Variants in BNC2 observed in about 807,000 individuals in gnomAD.
The protein encoded by BNC2 is basonuclin zinc finger protein 2.
Under a neutral mutation model 76.3 loss-of-function variants are expected in BNC2, and 20 were observed. The ratio of observed to expected loss-of-function variants is 0.26; its 90% confidence interval spans 0.18 to 0.38. BNC2 has a LOEUF of 0.38. Among genes scored for constraint, BNC2 ranks in the 10% least tolerant of loss-of-function variants. BNC2 has a pLI of 1.00. For missense variants in BNC2, 1,382 were observed against 1,399.8 expected, an observed-to-expected ratio of 0.99 and a Z score of 0.20; for synonymous variants, 582 against 514.8, an observed-to-expected ratio of 1.13 and a Z score of -1.77.
chr9:16,796,275 C>T (rs1817644931), intron 1 of BNC2, among the ~76,000 whole-genome samples: 1 of 152,138 alleles, frequency 6.6e-6, no homozygotes, highest in South Asian at 2.1e-4. Flanking sequence ...TAAGTATAAT[C>T]CCATATAATT....
intron 2 of BNC2, among the ~76,000 whole-genome samples, chr9:16,736,372 T>TA (rs1278545081): frequency 1.3e-5 from 2 of 151,726 alleles, no homozygotes; most frequent in African/African-American, 4.8e-5. Context: ...TTTACAAACC[T>TA]AACAAATAAA....
chr9:16,594,146 G>A (rs1820004767), intron 3 of BNC2, among the ~76,000 whole-genome samples: 1 of 152,070 alleles, frequency 6.6e-6, no homozygotes, highest in Non-Finnish European at 1.5e-5. Context: ...ACTTTACAAA[G>A]AAACTATTCC....
chr9:16,806,795 C>A (rs1563951900), intron 1 of BNC2, among the ~76,000 whole-genome samples: 1 of 152,108 alleles, frequency 6.6e-6, no homozygotes, highest in Non-Finnish European at 1.5e-5. Flanking sequence ...AGACTGAAAA[C>A]CTGGTTTGGC....
chr9:16,741,132 T>G (rs533778683), intron 1 of BNC2, among the ~76,000 whole-genome samples: 17 of 152,050 alleles, frequency 1.1e-4, no homozygotes, highest in African/African-American at 4.1e-4. Flanking sequence ...TAGGAAGGAA[T>G]CGAGGAGTAC....
intron 5 of BNC2, among the ~76,000 whole-genome samples, chr9:16,529,299 T>C (rs1057103581): frequency 9.9e-5 from 15 of 152,206 alleles, no homozygotes; most frequent in African/African-American, 3.1e-4. Context: ...CCACAAGATA[T>C]ATTTTTTAAA....
chr9:16,550,015 T>C (rs1818611121), intron 5 of BNC2, among the ~76,000 whole-genome samples: 1 of 151,970 alleles, frequency 6.6e-6, no homozygotes, highest in Admixed American at 6.6e-5. Context: ...AAATTAATTA[T>C]AATTTAAGTA....
chr9:16,590,677 T>C (rs1289632803), intron 3 of BNC2, among the ~76,000 whole-genome samples: 1 of 152,050 alleles, frequency 6.6e-6, no homozygotes, highest in Non-Finnish European at 1.5e-5. Flanking sequence ...CGTGGTGGCA[T>C]GCACCTGTGG....
At chr9:16,731,855 G>A (rs376415537) in intron 2 of BNC2, among the ~76,000 whole-genome samples, 2 of 151,962 alleles carry the variant, frequency 1.3e-5, no homozygotes, top group South Asian at 4.2e-4. Flanking sequence ...ACCATGTTTT[G>A]GATAGTAATT....
At chr9:16,484,554 G>C (rs565283886) in intron 5 of BNC2, among the ~76,000 whole-genome samples, 1 of 152,026 alleles carries the variant, frequency 6.6e-6, no homozygotes, top group Non-Finnish European at 1.5e-5. Context: ...ATCTTATTTC[G>C]GGATTAATTA....
rs1047495310 is a variant in BNC2, at chr9:16,416,169, T to C, written c.*2820A>G. 2 of 152,212 alleles carry C rather than the reference T, an allele frequency of 1.3e-5. No homozygotes were observed. The highest frequency in any genetic ancestry group is 2.9e-5 in the Non-Finnish European group (2 of 68,036). The allele number at this position is 152,212 out of a possible 1,614,324, so 9.4% of individuals were successfully genotyped here. ...GACATTAAATTAAACAGACTAAACA[T>C]TGCTGTTGTACAAGATGAGTTCTAG... On this transcript the variant is annotated 3_prime_UTR_variant, in exon 7 of 7. Transcript: ENST00000380672.
chr9:16,843,314 G>C (rs1818880711), intron 1 of BNC2, among the ~76,000 whole-genome samples: 1 of 152,182 alleles, frequency 6.6e-6, no homozygotes, highest in Non-Finnish European at 1.5e-5. Context: ...TCGTTCGAAA[G>C]GTGTACACTA....
At chr9:16,505,349 A>G (rs945966869) in intron 5 of BNC2, among the ~76,000 whole-genome samples, 14 of 152,208 alleles carry the variant, frequency 9.2e-5, no homozygotes, top group African/African-American at 3.1e-4. Flanking sequence ...AATAATCGAA[A>G]CAAAGAACAT....
intron 1 of BNC2, among the ~76,000 whole-genome samples, chr9:16,810,395 C>T (rs892921500): frequency 2.0e-5 from 3 of 152,210 alleles, no homozygotes; most frequent in Non-Finnish European, 4.4e-5. Flanking sequence ...CAGTCCTCAC[C>T]TGGATACCCA....
chr9:16,862,207 C>G (rs1020628680), intron 1 of BNC2, among the ~76,000 whole-genome samples: 2 of 152,114 alleles, frequency 1.3e-5, no homozygotes, highest in African/African-American at 4.8e-5. Context: ...TCCACAAAAA[C>G]TTGTACATGA....
At chr9:16,421,181 A>C in intron 6 of BNC2, 2 of 938,918 alleles carry the variant, frequency 2.1e-6, no homozygotes, top group South Asian at 3.8e-5. Context: ...CTTTCCACAC[A>C]AGACAATATA....
intron 4 of BNC2, among the ~76,000 whole-genome samples, chr9:16,558,402 C>A (rs1486263044): frequency 6.6e-6 from 1 of 152,172 alleles, no homozygotes; most frequent in Non-Finnish European, 1.5e-5. Flanking sequence ...TGACAAATAT[C>A]TAGTACTGAT....
intron 6 of BNC2, chr9:16,421,150 A>C (rs1355993677): frequency 1.9e-6 from 1 of 514,152 alleles, no homozygotes; most frequent in African/African-American, 2.0e-5. Flanking sequence ...GAGACAAGAA[A>C]GGTGGGGAAG....
In BNC2 at chr9:16,598,862, C is replaced by T. The variant is rs986366129; in HGVS notation, c.331-15777G>A. ...TTCTACCTGGAAATTAAATGAGATG[C>T]TTTGCATTTTTGAAAAAGCCAAACA... On this transcript the variant is annotated intron_variant, in intron 3 of 6. Transcript: ENST00000380672. 4.6e-5 allele frequency among the ~76,000 whole-genome samples: 7 copies of T among 152,298 alleles called. No individual in the cohort carries two copies. In the East Asian group the frequency reaches 1.4e-3, roughly 29 times the overall value.
rs1453613289 is a variant in BNC2 at position 16,436,029 on chromosome 9, T to C, written c.2165A>G (p.Tyr722Cys). 6.2e-7 allele frequency: 1 copy of C among 1,614,220 alleles called. No individual in the cohort carries two copies. The highest frequency in any genetic ancestry group is 1.1e-5 in the South Asian group (1 of 91,088). Residue 722 changes from tyrosine (Y) to cysteine (C), a missense_variant, in exon 6 of 7, where the codon TAT becomes TGT. Coordinates refer to ENST00000380672, the MANE Select transcript of BNC2 (RefSeq NM_017637.6). ...TSEDQEPERD[Y>C]ENESESSEPK... ...CTCCGAAGACTCAGACTCGTTCTCA[T>C]AGTCCCGCTCAGGTTCTTGGTCTTC...
Sources: allele counts gnomAD v4.1 joint callset (sites outside exome capture counted in the v4.1 genomes callset), GRCh38; gene constraint gnomAD v4.1.1; transcripts MANE v1.5; gene names NCBI Gene and HGNC (gene_info 2026-07-23, HGNC 2026-07-21).